Variants in PCDHGA2 observed in about 807,000 individuals in gnomAD.
PCDHGA2 encodes protocadherin gamma-A2.
PCDHGA2 carries 40 observed loss-of-function variants against 59.2 expected under a neutral mutation model. That is an observed-to-expected ratio of 0.68 (90% CI 0.52 to 0.88). The LOEUF is 0.88. Ranked by LOEUF, PCDHGA2 falls within the 40% of genes least tolerant of loss-of-function variation. PCDHGA2 has a pLI of 0.00. For synonymous variants in PCDHGA2, 560 were observed against 526.0 expected (o/e 1.06, Z -0.89); for missense variants, 1,226 against 1,204.0 (o/e 1.02, Z -0.27).
At chr5:141,407,214 G>C (rs1230787104) in intron 1 of PCDHGA2, among the ~76,000 whole-genome samples, 2 of 152,146 alleles carry the variant, frequency 1.3e-5, no homozygotes, top group South Asian at 2.1e-4. Context: ...TCCCCCTTAA[G>C]TGGGTAGCAA....
At chr5:141,413,148 CTT>C (rs2095608671) in intron 1 of PCDHGA2, 2 of 1,570,414 alleles carry the variant, frequency 1.3e-6, no homozygotes, top group South Asian at 1.2e-5. Flanking sequence ...CCAGTGAGGA[CTT>C]TGCAGAATTC....
chr5:141,365,211 T>G, intron 1 of PCDHGA2: 1 of 1,613,934 alleles, frequency 6.2e-7, no homozygotes, highest in Middle Eastern at 1.6e-4. Context: ...ACTTTCCAAC[T>G]TGATTCCAAC....
intron 1 of PCDHGA2, chr5:141,383,563 C>G (rs779788206): frequency 1.5e-5 from 25 of 1,613,034 alleles, no homozygotes; most frequent in East Asian, 2.2e-5. Flanking sequence ...CGACCCGCCC[C>G]GATCCAGCAC....
intron 1 of PCDHGA2, chr5:141,366,985 G>T: frequency 8.1e-6 from 4 of 493,386 alleles, no homozygotes; most frequent in Non-Finnish European, 1.4e-5. Flanking sequence ...AAAGGAAAGT[G>T]GTTAAATATA....
Position 141,432,226 on chromosome 5 carries a change from T to C in PCDHGA2, c.2425-62581T>C. On this transcript the variant is annotated intron_variant, in intron 1 of 3. Coordinates refer to ENST00000394576, the MANE Select transcript of PCDHGA2 (RefSeq NM_018915.4). The surrounding 1 kb of genome is among the most constrained non-coding windows in gnomAD (Gnocchi z 6.0). ...GTGAAGAGAACGCCCAGATCACTTATTCCCTGGCTGAGAACACCATCCAAG... is the reference window on the plus strand; with the variant it reads ...GTGAAGAGAACGCCCAGATCACTTACTCCCTGGCTGAGAACACCATCCAAG... 4 of 1,614,198 alleles carry C rather than the reference T, an allele frequency of 2.5e-6. No individual in the cohort carries two copies. The highest frequency in any genetic ancestry group is 3.4e-6 in the Non-Finnish European group (4 of 1,180,028).
chr5:141,393,078 A>G, intron 1 of PCDHGA2: 1 of 1,613,718 alleles, frequency 6.2e-7, no homozygotes, highest in Non-Finnish European at 8.5e-7. Context: ...CACCGCGGGC[A>G]GGATAGATCG....
chr5:141,393,073 C>T, intron 1 of PCDHGA2: 1 of 1,613,658 alleles, frequency 6.2e-7, no homozygotes. Context: ...TTGATCACCG[C>T]GGGCAGGATA....
At chr5:141,482,089 C>CA (rs36035257) in intron 1 of PCDHGA2, among the ~76,000 whole-genome samples, 13,509 of 134,292 alleles carry the variant, frequency 0.1, 910 homozygotes, top group African/African-American at 0.2. Context: ...CACTCCATCT[C>CA]AAAAAAAAAA....
chr5:141,389,645 C>A, intron 1 of PCDHGA2: 1 of 1,612,912 alleles, frequency 6.2e-7, no homozygotes, highest in Non-Finnish European at 8.5e-7. Context: ...ACTTGGTGAC[C>A]AAGGTAGTGG....
chr5:141,377,925 G>A (rs1473713121), intron 1 of PCDHGA2: 1 of 152,134 alleles, frequency 6.6e-6, no homozygotes, highest in Non-Finnish European at 1.5e-5. Context: ...AAATCCACCT[G>A]TAACTGCTGC....
At chr5:141,480,525 A>G (rs191522157) in intron 1 of PCDHGA2, among the ~76,000 whole-genome samples, 131 of 152,310 alleles carry the variant, frequency 8.6e-4, no homozygotes, top group African/African-American at 2.6e-3. Context: ...AAAAATGACA[A>G]AGTAGAAGCA....
At chr5:141,421,870 G>A in intron 1 of PCDHGA2, 1 of 1,613,758 alleles carries the variant, frequency 6.2e-7, no homozygotes, top group Non-Finnish European at 8.5e-7. Flanking sequence ...CCTCCTCACA[G>A]CTTTAGATGG....
rs2154591169 is a variant in PCDHGA2 at position 141,493,606 on chromosome 5, T to A, written c.2425-1201T>A. Among the ~76,000 whole-genome samples, 1 of 152,278 alleles carries A rather than the reference T, an allele frequency of 6.6e-6. No homozygotes were observed. Among genetic ancestry groups the A allele is most frequent in the Non-Finnish European group, 1.5e-5 (1 of 68,022 alleles). ...ACAATCACTGCATTTCCATGTAGAT[T>A]CTGCTGTGTCTAAGAATACAGTGGC... On this transcript the variant is annotated intron_variant, in intron 1 of 3. Transcript: ENST00000394576. This position sits in a 1 kb window ranked among gnomAD's most constrained non-coding sequence, Gnocchi z 4.3.
At chr5:141,346,172 G>A (rs369700145) in intron 1 of PCDHGA2, 6 of 1,614,068 alleles carry the variant, frequency 3.7e-6, no homozygotes, top group African/African-American at 1.3e-5. Flanking sequence ...TGCTGCTGGC[G>A]CTCAGGCTGC....
In PCDHGA2 at chr5:141,489,223, C is replaced by T. The variant is rs771455540; in HGVS notation, c.2425-5584C>T. The T allele has an allele frequency of 6.6e-7, 1 of 1,515,444 alleles. No homozygotes were observed. The highest frequency in any genetic ancestry group is 1.3e-5 in the South Asian group (1 of 75,776). 93.9% of individuals were successfully genotyped at this position (1,515,444 alleles called of 1,614,324 possible). A position where few individuals can be genotyped will look rare whatever the true frequency, so the allele number is the denominator to read the frequency against. The stretch of plus-strand genomic sequence containing the variant: ...CAGGACAGCACAGACTTACTCTCCA[C>T]AAAGGGACTTCTGGGTCATGGGGCC... On this transcript the variant is annotated intron_variant, in intron 1 of 3. Coordinates refer to ENST00000394576, the MANE Select transcript of PCDHGA2 (RefSeq NM_018915.4). The surrounding 1 kb of genome is among the most constrained non-coding windows in gnomAD (Gnocchi z 4.5).
chr5:141,426,418 T>C (rs1445827088), intron 1 of PCDHGA2: 2 of 288,504 alleles, frequency 6.9e-6, no homozygotes, highest in Non-Finnish European at 1.4e-5. Flanking sequence ...GGTCCAGGGC[T>C]CCGTGGTGGG....
In PCDHGA2 at chr5:141,341,016, C is replaced by T. The variant is rs1222842099; in HGVS notation, c.2045C>T (p.Ala682Val). 6.2e-7 allele frequency: 1 copy of T among 1,614,020 alleles called. No homozygotes were observed. Among genetic ancestry groups the T allele is most frequent in the East Asian group, 2.2e-5 (1 of 44,880 alleles). ...LADLGSLEPSAIPNDSDLTLY... is the reference protein window; with the variant it reads ...LADLGSLEPSVIPNDSDLTLY... ...GACCTGGGCAGCCTCGAGCCCTCCGCCATACCCAACGATTCGGACCTCACT... is the reference window on the plus strand; with the variant it reads ...GACCTGGGCAGCCTCGAGCCCTCCGTCATACCCAACGATTCGGACCTCACT... The change falls in exon 1 of 4, where the codon GCC becomes GTC. Residue 682 changes from alanine (A) to valine (V), a missense_variant. Transcript: ENST00000394576.
intron 1 of PCDHGA2, among the ~76,000 whole-genome samples, chr5:141,461,181 A>T (rs1322465700): frequency 1.3e-5 from 2 of 152,104 alleles, no homozygotes; most frequent in Non-Finnish European, 2.9e-5. Flanking sequence ...ATTGAATGGT[A>T]GATCTGTTTT....
intron 3 of PCDHGA2, among the ~76,000 whole-genome samples, chr5:141,509,068 G>A (rs1267011061): frequency 6.6e-6 from 1 of 152,144 alleles, no homozygotes; most frequent in Non-Finnish European, 1.5e-5. Flanking sequence ...TCTCAGCTCC[G>A]GGGATTTGCG....
Sources: gnomAD v4.1 joint callset for allele counts (sites outside exome capture counted in the v4.1 genomes callset) on GRCh38, gnomAD v4.1.1 for gene constraint, Gnocchi (gnomAD v3.1) non-coding constraint, MANE v1.5 for transcripts, NCBI Gene and HGNC (gene_info 2026-07-23, HGNC 2026-07-21) for gene names.